Variants in GNG4 observed in about 807,000 individuals in gnomAD.
The protein encoded by GNG4 is guanine nucleotide-binding protein G(I)/G(S)/G(O) subunit gamma-4.
A neutral mutation model predicts 5.8 loss-of-function variants in GNG4; 4 were observed. That is an observed-to-expected ratio of 0.69 (90% confidence interval 0.34 to 1.57). The LOEUF is 1.57. Among genes scored for constraint, GNG4 ranks in the 40% most tolerant of loss-of-function variants. The pLI is 0.06. For missense variants in GNG4, 96 were observed against 95.1 expected (o/e 1.01, Z -0.04); for synonymous variants, 29 against 32.9 (o/e 0.88, Z 0.41).
intron 2 of GNG4, among the ~76,000 whole-genome samples, chr1:235,585,087 C>T (rs563350332): frequency 6.6e-6 from 1 of 152,176 alleles, no homozygotes; most frequent in South Asian, 2.1e-4. Context: ...CTATTCTTTC[C>T]TATGCTTCTT....
rs112299277 is a variant in GNG4 at position 235,618,935 on chromosome 1, C to T, written c.-122-23424G>A. 6.1e-3 allele frequency among the ~76,000 whole-genome samples: 913 copies of T among 150,900 alleles called. 13 individuals are homozygous for T. Among genetic ancestry groups the T allele is most frequent in the African/African-American group, 0.02 (809 of 41,230 alleles). On this transcript the variant is annotated intron_variant, in intron 1 of 3. Transcript: ENST00000391854. ...CTTCCCAAAGTGTTGGGATTATAGGCGTGAGCCACTGCACGCCGCCAGTGA... is the reference window on the plus strand; with the variant it reads ...CTTCCCAAAGTGTTGGGATTATAGGTGTGAGCCACTGCACGCCGCCAGTGA...
Position 235,649,069 on chromosome 1 carries a change from T to G in GNG4, c.-123+593A>C, listed in dbSNP as rs529044020. On this transcript the variant is annotated intron_variant, in intron 1 of 3. Coordinates refer to ENST00000391854, the MANE Select transcript of GNG4 (RefSeq NM_001098722.2). This position sits in a 1 kb window ranked among gnomAD's most constrained non-coding sequence, Gnocchi z 5.7. ...CGCGGCGAACGAAGCACATTTCAGT[T>G]CAGCACCAGCCTCGGGGACAGACGC... Among the ~76,000 whole-genome samples, 1 of 152,064 alleles carries G rather than the reference T, an allele frequency of 6.6e-6. No individual in the cohort carries two copies. Among genetic ancestry groups the G allele is most frequent in the South Asian group, 2.1e-4 (1 of 4,820 alleles).
At chr1:235,577,572 C>T (rs1687518311) in intron 3 of GNG4, among the ~76,000 whole-genome samples, 1 of 152,192 alleles carries the variant, frequency 6.6e-6, no homozygotes, top group African/African-American at 2.4e-5. Flanking sequence ...TCCCAAGTAG[C>T]TGCGGCTACA....
intron 3 of GNG4, among the ~76,000 whole-genome samples, chr1:235,581,180 T>C (rs1418359070): frequency 6.6e-6 from 1 of 152,066 alleles, no homozygotes; most frequent in Non-Finnish European, 1.5e-5. Context: ...TGATTGGACA[T>C]GGGGGTGGTT....
intron 2 of GNG4, among the ~76,000 whole-genome samples, chr1:235,591,104 G>A (rs887856043): frequency 2.0e-5 from 3 of 152,248 alleles, no homozygotes; most frequent in Admixed American, 6.5e-5. Context: ...ATGGAGGTCC[G>A]GTTCCAATCC....
rs571918381 is a variant in GNG4 at position 235,604,294 on chromosome 1, T to C, written c.-122-8783A>G. ...CGAGTCTATCGCAGCTCTACTGAAG[T>C]GGGCAGATCACCACACGGGGGACGA... On this transcript the variant is annotated intron_variant, in intron 1 of 3. Transcript: ENST00000391854. 1.9e-3 allele frequency among the ~76,000 whole-genome samples: 288 copies of C among 152,340 alleles called. 2 individuals carry two copies. Among genetic ancestry groups the C allele is most frequent in the Middle Eastern group, 6.8e-3 (2 of 294 alleles).
chr1:235,572,325 A>G (rs1244028242), intron 3 of GNG4, among the ~76,000 whole-genome samples: 1 of 151,602 alleles, frequency 6.6e-6, no homozygotes, highest in Non-Finnish European at 1.5e-5. Flanking sequence ...TCAGCCTCCC[A>G]AGTAGCTGGA....
chr1:235,643,648 C>A (rs1657404505), intron 1 of GNG4, among the ~76,000 whole-genome samples: 1 of 152,212 alleles, frequency 6.6e-6, no homozygotes, highest in Admixed American at 6.5e-5. Flanking sequence ...AGCAGTATGT[C>A]TGTATTGGAA....
chr1:235,581,230 G>A (rs1687626474), intron 3 of GNG4, among the ~76,000 whole-genome samples: 1 of 152,026 alleles, frequency 6.6e-6, no homozygotes, highest in South Asian at 2.1e-4. Flanking sequence ...TGGTACTGTT[G>A]TTGTAATAGT....
intron 1 of GNG4, among the ~76,000 whole-genome samples, chr1:235,625,988 C>T (rs1326658482): frequency 1.3e-5 from 2 of 152,148 alleles, no homozygotes; most frequent in East Asian, 1.9e-4. Context: ...GAGGAGGTGT[C>T]GTTTTGTAAG....
intron 3 of GNG4, among the ~76,000 whole-genome samples, chr1:235,559,841 A>G (rs1432984635): frequency 1.3e-5 from 2 of 152,226 alleles, no homozygotes; most frequent in African/African-American, 4.8e-5. Flanking sequence ...GCACATTGGG[A>G]GCTAAATCTA....
At chr1:235,592,456 C>T (rs1200755782) in intron 2 of GNG4, among the ~76,000 whole-genome samples, 1 of 152,086 alleles carries the variant, frequency 6.6e-6, no homozygotes, top group Non-Finnish European at 1.5e-5. Context: ...TTGCAGTGAG[C>T]CAAGATCACA....
rs1438310856 is a variant in GNG4 at position 235,549,275 on chromosome 1, T to C, written c.*2834A>G. 6.6e-6 allele frequency: 1 copy of C among 151,988 alleles called. No homozygotes were observed. Among genetic ancestry groups the C allele is most frequent in the South Asian group, 2.1e-4 (1 of 4,826 alleles). The allele number at this position is 151,988 out of a possible 1,614,324, so 9.4% of individuals were successfully genotyped here. Reference sequence around the variant, plus strand: ...AAGGGTGACCCGTCCCCAAATGCCATAGGTCTGGAAGAGGTGCAGTAAAAG... The same window carrying C: ...AAGGGTGACCCGTCCCCAAATGCCACAGGTCTGGAAGAGGTGCAGTAAAAG... On this transcript the variant is annotated 3_prime_UTR_variant, in exon 4 of 4. Coordinates refer to ENST00000391854, the MANE Select transcript of GNG4 (RefSeq NM_001098722.2).
At chr1:235,583,669 G>T in intron 3 of GNG4, 71 bp downstream of exon 3, 1 of 984,490 alleles carries the variant, frequency 1.0e-6, no homozygotes, top group Non-Finnish European at 1.6e-6. Flanking sequence ...TCACAAGTCT[G>T]CTTTGGAAGC....
chr1:235,574,799 G>T (rs1170157475), intron 3 of GNG4, among the ~76,000 whole-genome samples: 1 of 151,872 alleles, frequency 6.6e-6, no homozygotes, highest in Non-Finnish European at 1.5e-5. Context: ...GTTAATAACT[G>T]CCAGTATCTG....
chr1:235,582,636 G>T (rs1043218093), intron 3 of GNG4, among the ~76,000 whole-genome samples: 1 of 152,178 alleles, frequency 6.6e-6, no homozygotes, highest in African/African-American at 2.4e-5. Context: ...CTGTGTCTTA[G>T]AATTGTTTTC....
chr1:235,596,697 A>G (rs992387994), intron 1 of GNG4, among the ~76,000 whole-genome samples: 1 of 152,154 alleles, frequency 6.6e-6, no homozygotes, highest in African/African-American at 2.4e-5. Context: ...TTAGCATAGA[A>G]GAGATCAGAC....
At chr1:235,616,384 G>T in intron 1 of GNG4, 1 of 331,786 alleles carries the variant, frequency 3.0e-6, no homozygotes, top group Non-Finnish European at 5.9e-6. Flanking sequence ...ATTCAGGACA[G>T]ATCCAGATTG....
At chr1:235,592,946 CAT>C (rs1491114199) in intron 2 of GNG4, among the ~76,000 whole-genome samples, 2 of 89,064 alleles carry the variant, frequency 2.2e-5, no homozygotes, top group Non-Finnish European at 4.3e-5. Flanking sequence ...TGCTCTGTAA[CAT>C]TTTTTTTTTT....
Sources: allele counts gnomAD v4.1 joint callset (sites outside exome capture counted in the v4.1 genomes callset), GRCh38; gene constraint gnomAD v4.1.1; non-coding constraint Gnocchi (gnomAD v3.1); transcripts MANE v1.5; gene names NCBI Gene and HGNC (gene_info 2026-07-23, HGNC 2026-07-21).